SYCE1: variants seen among roughly 807,000 people sequenced by gnomAD.
SYCE1 encodes cancer/testis antigen 76.
In SYCE1, 37 loss-of-function variants were observed where a neutral mutation model predicts 55.1. That is an observed-to-expected ratio of 0.67 (90% CI 0.52 to 0.88). The LOEUF (loss-of-function observed/expected upper bound fraction) is 0.88. SYCE1 is among the 40% of genes least tolerant of loss of function. SYCE1 has a pLI of 0.00. For missense variants in SYCE1, 399 were observed against 416.4 expected, an observed-to-expected ratio of 0.96 and a Z score of 0.36; for synonymous variants, 163 against 159.4, an observed-to-expected ratio of 1.02 and a Z score of -0.17.
At chr10:133,560,448 T>A (rs912720260) in intron 1 of SYCE1, 2 of 217,322 alleles carry the variant, frequency 9.2e-6, no homozygotes, top group Admixed American at 5.7e-5. Context: ...AGAAAAAAAA[T>A]GAGGGTATAA....
intron 2 of SYCE1, 42 bp downstream of exon 2, chr10:133,560,049 C>A (rs761928415): frequency 1.4e-5 from 23 of 1,590,180 alleles, no homozygotes; most frequent in Non-Finnish European, 1.8e-5. Context: ...TCTGCCTGGC[C>A]CCAAACCTCA....
At chr10:133,564,647 G>A (rs1022533471) in intron 1 of SYCE1, among the ~76,000 whole-genome samples, 1 of 152,182 alleles carries the variant, frequency 6.6e-6, no homozygotes, top group Non-Finnish European at 1.5e-5. Flanking sequence ...CATTCACGCA[G>A]GTAGGGCTGG....
chr10:133,554,761 C>A (rs1362047401), downstream of SYCE1: 1 of 1,426,818 alleles, frequency 7.0e-7, no homozygotes, highest in Non-Finnish European at 9.5e-7. Flanking sequence ...CCTGGGCCCA[C>A]TGTGAGAGCG....
intron 1 of SYCE1, among the ~76,000 whole-genome samples, chr10:133,562,261 ATGTGTGTGTG>A (rs59050384): frequency 0.042 from 5,926 of 142,692 alleles, 105 homozygotes; most frequent in African/African-American, 0.062. Flanking sequence ...CTAACATCCA[ATGTGTGTGTG>A]TGTGTGTGTG....
Position 133,559,496 on chromosome 10 carries a change from C to G in SYCE1, c.137-136G>C, listed in dbSNP as rs556588777. The G allele has an allele frequency of 1.6e-5, 13 of 800,258 alleles. No individual in the cohort carries two copies. The South Asian group carries it at 1.9e-4, about 12-fold the overall frequency. The allele number at this position is 800,258 out of a possible 1,614,324, so 49.6% of individuals were successfully genotyped here. A position where few individuals can be genotyped will look rare whatever the true frequency, so the allele number is the denominator to read the frequency against. On this transcript the variant is annotated intron_variant, in intron 2 of 12. Transcript: ENST00000343131. ...AAGCAGGTGCTCTGTGGGGCCCTCA[C>G]GGGGCTCACGTTCTGGGTGGGCAAG...
chr10:133,564,055 G>A (rs965167112), intron 1 of SYCE1, among the ~76,000 whole-genome samples: 1 of 148,798 alleles, frequency 6.7e-6, no homozygotes, highest in African/African-American at 2.5e-5. Flanking sequence ...TCTGTAGCTG[G>A]TCACTATAGA....
chr10:133,562,688 G>A (rs1851843859), intron 1 of SYCE1, among the ~76,000 whole-genome samples: 1 of 152,130 alleles, frequency 6.6e-6, no homozygotes, highest in South Asian at 2.1e-4. Context: ...TTTTAAGGAA[G>A]AGTATATTTT....
intron 1 of SYCE1, chr10:133,564,509 T>C: frequency 1.2e-6 from 1 of 851,700 alleles, no homozygotes; most frequent in Non-Finnish European, 1.4e-6. Flanking sequence ...TCTGTCCTGT[T>C]TACTTGCTTT....
chr10:133,568,161 TG>T, upstream of SYCE1: 1 of 909,296 alleles, frequency 1.1e-6, no homozygotes, highest in Non-Finnish European at 1.7e-6. Flanking sequence ...AGGCCGCCCG[TG>T]GGTCCAGCGC....
intron 2 of SYCE1, chr10:133,559,735 G>T: frequency 2.4e-6 from 1 of 420,322 alleles, no homozygotes; most frequent in Non-Finnish European, 4.4e-6. Context: ...CCCATCATGA[G>T]GTGGGAACAT....
chr10:133,556,227 G>A (rs1851679216), intron 8 of SYCE1, 180 bp from the exon 9 acceptor site: 2 of 654,200 alleles, frequency 3.1e-6, no homozygotes, highest in Non-Finnish European at 5.2e-6. Context: ...CCCTCCCTGT[G>A]CACTTCTGTC....
chr10:133,559,075 GCTT>G, intron 3 of SYCE1, 124 bp from the exon 4 acceptor site: 1 of 1,100,478 alleles, frequency 9.1e-7, no homozygotes, highest in Non-Finnish European at 1.3e-6. Flanking sequence ...AGGAAACGAG[GCTT>G]CCAGCTCTCC....
At chr10:133,568,291 C>T (rs775985651), upstream of SYCE1, 1 of 1,392,308 alleles carries the variant, frequency 7.2e-7, no homozygotes, top group South Asian at 1.2e-5. Flanking sequence ...CCAGCCTGAG[C>T]CCGCCGCCCC....
chr10:133,568,253 C>T (rs772575256), upstream of SYCE1: 178 of 1,422,584 alleles, frequency 1.3e-4, 1 homozygote, highest in Admixed American at 2.6e-4. Flanking sequence ...TCCTCCAGGC[C>T]GCGTTCCCCG....
At position 133,555,829 on chromosome 10, in the gene SYCE1, T is replaced by G; in HGVS notation, c.670A>C (p.Thr224Pro). The G allele has an allele frequency of 6.2e-7, 1 of 1,613,768 alleles. No individual in the cohort carries two copies. The highest frequency in any genetic ancestry group is 8.5e-7 in the Non-Finnish European group (1 of 1,179,970). Reference sequence around the variant, plus strand: ...CGGAGAAAGAGTCCCTCATCAAGGGTGGAGGGGCCCTCAGCCCCACACAGG... The same window carrying G: ...CGGAGAAAGAGTCCCTCATCAAGGGGGGAGGGGCCCTCAGCCCCACACAGG... ...CSLCGAEGPS[T>P]LDEGLFLRSQ... is the part of the protein sequence containing the mutation. The change falls in exon 10 of 13, where the codon ACC becomes CCC. Residue 224 changes from threonine to proline, a missense_variant. By Grantham distance (38) the Thr-to-Pro change is conservative. Coordinates refer to ENST00000343131, the MANE Select transcript of SYCE1 (RefSeq NM_001143764.3).
intron 6 of SYCE1, chr10:133,557,395 A>G (rs886179072): frequency 1.5e-5 from 8 of 545,138 alleles, no homozygotes; most frequent in East Asian, 1.3e-4. Flanking sequence ...TCTTAGTATC[A>G]TCTCGTTTTC....
At chr10:133,563,033 A>G (rs1302259995) in intron 1 of SYCE1, among the ~76,000 whole-genome samples, 1 of 152,256 alleles carries the variant, frequency 6.6e-6, no homozygotes, top group Non-Finnish European at 1.5e-5. Flanking sequence ...AGTTTGTAAC[A>G]GTTTTGATTG....
intron 11 of SYCE1, 79 bp downstream of exon 11, chr10:133,555,518 A>G: frequency 1.2e-6 from 2 of 1,608,948 alleles, no homozygotes; most frequent in Non-Finnish European, 1.7e-6. Context: ...AGAGTCAGAG[A>G]GACAGAAGGT....
chr10:133,555,498 G>T, intron 11 of SYCE1, 60 bp from the exon 12 acceptor site: 1 of 1,611,478 alleles, frequency 6.2e-7, no homozygotes. Context: ...GGAGGGACAA[G>T]AGGTTTTCAA....
Sources: allele counts gnomAD v4.1 joint callset (sites outside exome capture counted in the v4.1 genomes callset), GRCh38; gene constraint gnomAD v4.1.1; transcripts MANE v1.5; gene names NCBI Gene and HGNC (gene_info 2026-07-23, HGNC 2026-07-21).